Variants in CFAP65 observed in about 807,000 individuals in gnomAD.
The protein encoded by CFAP65 is cilia and flagella associated protein 65, also known as cilia- and flagella-associated protein 65.
In CFAP65, 155 loss-of-function variants were observed where a neutral mutation model predicts 208.0. The ratio of observed to expected loss-of-function variants is 0.75; its 90% CI spans 0.65 to 0.85. The LOEUF (loss-of-function observed/expected upper bound fraction) is 0.85. Ranked by LOEUF, CFAP65 falls within the 40% of genes least tolerant of loss-of-function variation. The pLI, the probability that CFAP65 is intolerant of heterozygous loss-of-function variation, is 0.00. For synonymous variants in CFAP65, 970 were observed against 986.3 expected (o/e 0.98, Z 0.31); for missense variants, 2,294 against 2,451.3 (o/e 0.94, Z 1.36).
intron 24 of CFAP65, 71 bp from the exon 25 acceptor site, chr2:219,011,067 T>C: frequency 7.0e-7 from 1 of 1,438,186 alleles, no homozygotes; most frequent in Non-Finnish European, 9.4e-7. Flanking sequence ...TGGGATGCTG[T>C]GCCCACTGTG....
chr2:219,019,024 C>A (rs1331464380), intron 21 of CFAP65, 27 bp downstream of exon 21: 1 of 1,613,872 alleles, frequency 6.2e-7, no homozygotes, highest in Admixed American at 1.7e-5. Flanking sequence ...TCTCCCAGGC[C>A]CCCCAGTGGC....
At chr2:219,008,669 T>C (rs1397279585) in intron 29 of CFAP65, among the ~76,000 whole-genome samples, 7 of 152,022 alleles carry the variant, frequency 4.6e-5, no homozygotes, top group Admixed American at 4.6e-4. Context: ...TGCTTGAACC[T>C]GGGAGGTGGA....
rs1248938470 is a variant in CFAP65 at position 219,019,085 on chromosome 2, C to T, written c.3568G>A (p.Ala1190Thr). ...FKAPPSVVFL[A>T]LKNSGVVSLD... Reference sequence around the variant, plus strand: ...GACACCACTCCGCTGTTCTTCAGGGCCAGGAATACCACGGAAGGTGGGGCC... The same window carrying T: ...GACACCACTCCGCTGTTCTTCAGGGTCAGGAATACCACGGAAGGTGGGGCC... Residue 1190 changes from alanine to threonine, a missense_variant, in exon 21 of 35, where the codon GCC becomes ACC. Ala to Thr is a moderately conservative substitution (Grantham distance 58). Around this residue, in one of 2 missense-constraint regions of CFAP65, gnomAD observed 1,427 missense variants for 1,438.7 expected, o/e 0.99. Transcript: ENST00000341552. The T allele has an allele frequency of 6.2e-7, 1 of 1,614,112 alleles. No individual in the cohort carries two copies. Among genetic ancestry groups the T allele is most frequent in the African/African-American group, 1.3e-5 (1 of 74,944 alleles).
In CFAP65 at chr2:219,002,890, C is replaced by G. The variant is rs878949154; in HGVS notation, c.*47G>C. On this transcript the variant is annotated 3_prime_UTR_variant, in exon 35 of 35. Transcript: ENST00000341552. The surrounding 1 kb of genome is among the most constrained non-coding windows in gnomAD (Gnocchi z 7.9). ...GCTTTTACTGGCGGTGGAGAGGGGG[C>G]CAGGCGTGACCCCTAGCGGCATGTC... 4.8e-6 allele frequency: 7 copies of G among 1,471,454 alleles called. No individual in the cohort carries two copies. The highest frequency in any genetic ancestry group is 5.6e-6 in the Non-Finnish European group (6 of 1,072,678). The allele number at this position is 1,471,454 out of a possible 1,614,324, so 91.1% of individuals were successfully genotyped here.
chr2:219,031,515 C>T lies in CFAP65; in HGVS notation c.789G>A (p.Glu263=), dbSNP rs776864479. The T allele has an allele frequency of 1.2e-6, 2 of 1,614,226 alleles. No individual in the cohort carries two copies. Among genetic ancestry groups the T allele is most frequent in the South Asian group, 2.2e-5 (2 of 91,084 alleles). ...CCACATTATCCAGGCAGAAAAAGGCCTCAGTCGTATCTCCCACAGCACACA... is the reference window on the plus strand; with the variant it reads ...CCACATTATCCAGGCAGAAAAAGGCTTCAGTCGTATCTCCCACAGCACACA... ...LPMCAVGDTT[E]AFFCLDNVGD... The change falls in exon 7 of 35, where the codon GAG becomes GAA. Residue 263 remains glutamate (E), a synonymous_variant. Transcript: ENST00000341552. This position sits in a 1 kb window ranked among gnomAD's most constrained non-coding sequence, Gnocchi z 5.2.
chr2:219,019,428 G>T (rs1947125124), intron 20 of CFAP65, 78 bp downstream of exon 20: 12 of 1,284,296 alleles, frequency 9.3e-6, no homozygotes, highest in Non-Finnish European at 1.3e-5. Flanking sequence ...TGTTCTGGGA[G>T]TCTGGGCAGA....
At chr2:219,029,131 G>T (rs1313166122) in intron 11 of CFAP65, among the ~76,000 whole-genome samples, 1 of 152,170 alleles carries the variant, frequency 6.6e-6, no homozygotes, top group Non-Finnish European at 1.5e-5. Flanking sequence ...GGGAGGCTGC[G>T]AGTCCAAGCC....
At chr2:219,036,202 C>T (rs1948347412) in intron 4 of CFAP65, among the ~76,000 whole-genome samples, 1 of 152,220 alleles carries the variant, frequency 6.6e-6, no homozygotes, top group Non-Finnish European at 1.5e-5. Flanking sequence ...TCACCCCACC[C>T]ATCCCCTGCC....
chr2:219,007,569 A>T (rs1242730944), intron 29 of CFAP65, among the ~76,000 whole-genome samples: 1 of 152,146 alleles, frequency 6.6e-6, no homozygotes, highest in Non-Finnish European at 1.5e-5. Context: ...CACCAAGGTG[A>T]TTGAGGAGCA....
intron 18 of CFAP65, 55 bp from the exon 19 acceptor site, chr2:219,021,335 C>T: frequency 3.3e-6 from 5 of 1,494,328 alleles, no homozygotes; most frequent in Non-Finnish European, 4.5e-6. Context: ...AGCCATTCCT[C>T]CTGCTCCTTT....
rs1251057255 is a variant in CFAP65 at position 219,026,251 on chromosome 2, G to C, written c.2212-92C>G. The C allele has an allele frequency of 2.9e-6, 4 of 1,401,540 alleles. No individual in the cohort carries two copies. The Admixed American group carries it at 8.3e-5, about 29-fold the overall frequency. 86.8% of individuals were successfully genotyped at this position (1,401,540 alleles called of 1,614,324 possible). A position where few individuals can be genotyped will look rare whatever the true frequency, so the allele number is the denominator to read the frequency against. ...TGCCCCTCCTTGCCCTTGTGCTGCA[G>C]GAGTCTGACATTGGACACAGACAGG... On this transcript the variant is annotated intron_variant, in intron 13 of 34. Coordinates refer to ENST00000341552, the MANE Select transcript of CFAP65 (RefSeq NM_194302.4).
At chr2:219,006,547 G>T in intron 29 of CFAP65, 38 bp from the exon 30 acceptor site, 1 of 1,606,162 alleles carries the variant, frequency 6.2e-7, no homozygotes. Context: ...AGATACAAGA[G>T]GCCCGGCCGG....
Position 219,024,060 on chromosome 2 carries a change from C to T in CFAP65, c.2550G>A (p.Gln850=), listed in dbSNP as rs775491430. The change falls in exon 15 of 35, where the codon CAG becomes CAA. Residue 850 remains glutamine, a synonymous_variant. Coordinates refer to ENST00000341552, the MANE Select transcript of CFAP65 (RefSeq NM_194302.4). ...CATTGCACTGCAGATAGAAAGTGTG[C>T]TGCTTCCAGGAGCTGCCCTCAGGGT... ...CTYPEGSSWK[Q]HTFYLQCNAS... 2 of 1,614,030 alleles carry T rather than the reference C, an allele frequency of 1.2e-6. No homozygotes were observed. Among genetic ancestry groups the T allele is most frequent in the South Asian group, 1.1e-5 (1 of 91,086 alleles).
At chr2:219,022,941 C>T (rs994745771) in intron 16 of CFAP65, among the ~76,000 whole-genome samples, 1 of 152,226 alleles carries the variant, frequency 6.6e-6, no homozygotes, top group Non-Finnish European at 1.5e-5. Context: ...GCCTCTCAGG[C>T]CTGGCATCAG....
chr2:219,021,070 G>T, intron 19 of CFAP65, 82 bp downstream of exon 19: 1 of 1,417,908 alleles, frequency 7.1e-7, no homozygotes. Context: ...CCTGACGCTC[G>T]GCATCCACTG....
intron 16 of CFAP65, 55 bp downstream of exon 16, chr2:219,023,152 T>A: frequency 6.8e-7 from 1 of 1,463,176 alleles, no homozygotes; most frequent in Non-Finnish European, 9.5e-7. Flanking sequence ...TAGGCACAAA[T>A]AAGAGATGAC....
rs538532842 is a variant in CFAP65, at chr2:219,027,746, C to A, written c.2115G>T (p.Val705=). The A allele has an allele frequency of 1.2e-6, 2 of 1,614,090 alleles. No homozygotes were observed. Among genetic ancestry groups the A allele is most frequent in the East Asian group, 4.5e-5 (2 of 44,878 alleles). The stretch of plus-strand genomic sequence containing the variant: ...GCATGGCCATGGACTTGAGTGGGGG[C>A]ACGTCGCAGCTCTCTGGAGTCACCC... ...PFWVTPESCD[V]PPLKSMAMRL... The change falls in exon 13 of 35, where the codon GTG becomes GTT. Residue 705 remains valine, a synonymous_variant. Transcript: ENST00000341552.
At chr2:219,024,476 G>GGC (rs1559143556) in intron 14 of CFAP65, among the ~76,000 whole-genome samples, 1 of 61,564 alleles carries the variant, frequency 1.6e-5, no homozygotes, top group African/African-American at 2.1e-4. Flanking sequence ...AGAAAGGGGC[G>GGC]GGGGGGGGGC....
In CFAP65 at chr2:219,031,534, G is replaced by A. The variant is rs1467670083; in HGVS notation, c.770C>T (p.Ala257Val). ...AAAGGCCTCAGTCGTATCTCCCACA[G>A]CACACATGGGCAGCTGCAGGGATGG... ...RPPSLQLPMC[A>V]VGDTTEAFFC... Residue 257 changes from alanine (A) to valine (V), a missense_variant, in exon 7 of 35, where the codon GCT (alanine) becomes GTT (valine). Coordinates refer to ENST00000341552, the MANE Select transcript of CFAP65 (RefSeq NM_194302.4). The surrounding 1 kb of genome is among the most constrained non-coding windows in gnomAD (Gnocchi z 5.2). The A allele has an allele frequency of 6.2e-7, 1 of 1,614,226 alleles. No individual in the cohort carries two copies. Among genetic ancestry groups the A allele is most frequent in the East Asian group, 2.2e-5 (1 of 44,892 alleles).
Sources: gnomAD v4.1 joint callset for allele counts (sites outside exome capture counted in the v4.1 genomes callset) on GRCh38, gnomAD v4.1.1 for gene constraint, gnomAD v4.1.1 regional missense constraint, Gnocchi (gnomAD v3.1) non-coding constraint, MANE v1.5 for transcripts, NCBI Gene and HGNC (gene_info 2026-07-23, HGNC 2026-07-21) for gene names.